The following TRIQK variants were observed in gnomAD, a reference collection of about 807,000 sequenced individuals.
TRIQK encodes triple QxxK/R motif-containing protein.
In TRIQK, 10 loss-of-function variants were observed where a neutral mutation model predicts 10.8. The observed-to-expected ratio is 0.92, with a 90% CI of 0.57 to 1.57. TRIQK has a LOEUF of 1.57. Ranked by LOEUF, TRIQK falls within the 40% of genes most tolerant of loss-of-function variation. TRIQK has a pLI of 0.00. For synonymous variants in TRIQK, 33 were observed against 33.7 expected, an observed-to-expected ratio of 0.98 and a Z score of 0.07; for missense variants, 107 against 97.7, an observed-to-expected ratio of 1.09 and a Z score of -0.40.
intron 1 of TRIQK, among the ~76,000 whole-genome samples, chr8:92,995,215 CTCT>C (rs1813141876): frequency 6.6e-6 from 1 of 151,978 alleles, no homozygotes; most frequent in African/African-American, 2.4e-5. Context: ...TCTGATTACT[CTCT>C]TATTATCTTA....
chr8:92,936,691 G>A (rs941337220), intron 2 of TRIQK, among the ~76,000 whole-genome samples: 11 of 151,364 alleles, frequency 7.3e-5, no homozygotes, highest in African/African-American at 2.7e-4. Flanking sequence ...GGATTGGAAA[G>A]GAAAAAGAAA....
chr8:92,902,659 C>A (rs2130355080), intron 3 of TRIQK, among the ~76,000 whole-genome samples: 1 of 152,200 alleles, frequency 6.6e-6, no homozygotes, highest in Non-Finnish European at 1.5e-5. Context: ...CCATTTTGCT[C>A]ATCAGGTTAA....
chr8:92,992,877 C>A (rs867645382), intron 1 of TRIQK, among the ~76,000 whole-genome samples: 6 of 152,222 alleles, frequency 3.9e-5, no homozygotes, highest in South Asian at 2.1e-4. Flanking sequence ...GAAATGGTGA[C>A]ACCAATGACA....
intron 2 of TRIQK, among the ~76,000 whole-genome samples, chr8:92,917,492 G>A (rs1438031083): frequency 6.6e-6 from 1 of 151,932 alleles, no homozygotes; most frequent in Admixed American, 6.6e-5. Flanking sequence ...ATGAATTTCA[G>A]TTCTAGTTCT....
chr8:92,897,783 T>TTG lies in TRIQK; in HGVS notation c.62-5711_62-5710dup, dbSNP rs767204052. 1.6e-3 allele frequency among the ~76,000 whole-genome samples: 247 copies of TTG among 152,186 alleles called. 1 individual carries two copies. The highest frequency in any genetic ancestry group is 6.8e-3 in the Middle Eastern group (2 of 294). ...TTTTGCTGAGGAGCTATGTGACTAT[T>TTG]TGTGTGTGTGTCTGTATATGTGCAT... On this transcript the variant is annotated intron_variant, in intron 3 of 4. Coordinates refer to ENST00000521988, the MANE Select transcript of TRIQK (RefSeq NM_001171797.2).
chr8:92,935,716 GA>G (rs1291962747), intron 2 of TRIQK, among the ~76,000 whole-genome samples: 2 of 150,412 alleles, frequency 1.3e-5, no homozygotes, highest in African/African-American at 4.9e-5. Context: ...GACGGAATAA[GA>G]AAAAAATACA....
intron 1 of TRIQK, among the ~76,000 whole-genome samples, chr8:93,002,686 G>A (rs1295758852): frequency 2.0e-5 from 3 of 152,112 alleles, no homozygotes; most frequent in East Asian, 1.9e-4. Context: ...TTGGGAGACC[G>A]AGGTGGGCAG....
At chr8:92,911,219 A>G (rs993120142) in intron 3 of TRIQK, among the ~76,000 whole-genome samples, 3 of 151,336 alleles carry the variant, frequency 2.0e-5, no homozygotes, top group African/African-American at 7.3e-5. Flanking sequence ...CCTCATGATA[A>G]CCACAAAGAA....
At chr8:92,983,651 AC>A (rs1363970843) in intron 1 of TRIQK, among the ~76,000 whole-genome samples, 2 of 152,062 alleles carry the variant, frequency 1.3e-5, no homozygotes, top group Non-Finnish European at 2.9e-5. Flanking sequence ...GAACTCAGTC[AC>A]ATGTTCTCAC....
intron 2 of TRIQK, among the ~76,000 whole-genome samples, chr8:92,921,999 AT>A (rs1382760660): frequency 3.3e-5 from 5 of 151,770 alleles, no homozygotes. Flanking sequence ...CTAAAAACCT[AT>A]TTTTCTAATC....
At chr8:92,923,523 A>T (rs908200695) in intron 2 of TRIQK, among the ~76,000 whole-genome samples, 13 of 151,842 alleles carry the variant, frequency 8.6e-5, no homozygotes, top group Non-Finnish European at 1.8e-4. Context: ...TAATAAGATA[A>T]TATTTATTAT....
intron 2 of TRIQK, among the ~76,000 whole-genome samples, chr8:92,938,881 T>C (rs1432380777): frequency 6.6e-6 from 1 of 152,204 alleles, no homozygotes; most frequent in African/African-American, 2.4e-5. Context: ...ATTCCTCTTA[T>C]GTTAAGGTTT....
upstream of TRIQK, chr8:92,966,148 AG>A (rs1321036743): frequency 6.6e-6 from 1 of 152,190 alleles, no homozygotes; most frequent in Non-Finnish European, 1.5e-5. Context: ...AAAAGAGGCG[AG>A]GCTCTGCCCC....
chr8:92,972,125 T>C lies in TRIQK; in HGVS notation c.-180-17561A>G, dbSNP rs540993172. Among the ~76,000 whole-genome samples, 11 of 152,320 alleles carry C rather than the reference T, an allele frequency of 7.2e-5. 1 individual carries two copies. In the East Asian group the frequency reaches 1.9e-3, roughly 27 times the overall value. Reference sequence around the variant, plus strand: ...TGTTGTTTCTACTAGATCCATTTCCTTGCCTTTACATTTAAGCTATCTATG... The same window carrying C: ...TGTTGTTTCTACTAGATCCATTTCCCTGCCTTTACATTTAAGCTATCTATG... On this transcript the variant is annotated intron_variant, in intron 1 of 4. Transcript: ENST00000520686.
At chr8:92,964,617 A>AT (rs897498235) in intron 1 of TRIQK, among the ~76,000 whole-genome samples, 3 of 151,650 alleles carry the variant, frequency 2.0e-5, no homozygotes, top group Admixed American at 1.3e-4. Context: ...TTAAAAAAAA[A>AT]AAAAATCACA....
At chr8:92,971,008 A>C (rs556452294), upstream of TRIQK, among the ~76,000 whole-genome samples, 6 of 152,090 alleles carry the variant, frequency 3.9e-5, no homozygotes, top group African/African-American at 1.4e-4. Context: ...TCAGTTTTCT[A>C]CATATGGCTA....
chr8:92,944,304 CAA>C (rs56002665), intron 2 of TRIQK, among the ~76,000 whole-genome samples: 4 of 134,814 alleles, frequency 3.0e-5, no homozygotes, highest in Non-Finnish European at 3.2e-5. Context: ...GAAGGTTACT[CAA>C]AAAAAAAAAA....
intron 2 of TRIQK, among the ~76,000 whole-genome samples, chr8:92,924,791 T>G (rs1385138166): frequency 6.6e-6 from 1 of 151,932 alleles, no homozygotes; most frequent in Non-Finnish European, 1.5e-5. Context: ...TTACTCATAT[T>G]AATAGTATTA....
chr8:93,012,112 A>T (rs1255304547), intron 1 of TRIQK, among the ~76,000 whole-genome samples: 2 of 152,192 alleles, frequency 1.3e-5, no homozygotes, highest in Non-Finnish European at 2.9e-5. Flanking sequence ...ATAAATTGAT[A>T]GGAATTAGAA....
Sources: gnomAD v4.1 joint callset for allele counts (sites outside exome capture counted in the v4.1 genomes callset) on GRCh38, gnomAD v4.1.1 for gene constraint, MANE v1.5 for transcripts, NCBI Gene and HGNC (gene_info 2026-07-23, HGNC 2026-07-21) for gene names.